Variants in SUMF1 observed in about 807,000 individuals in gnomAD.
The protein encoded by SUMF1 is formylglycine-generating enzyme.
A neutral mutation model predicts 47.6 loss-of-function variants in SUMF1; 48 were observed. The ratio of observed to expected loss-of-function variants is 1.01; its 90% CI spans 0.80 to 1.28. The LOEUF is 1.28. SUMF1 is among the 50% of genes most tolerant of loss of function. The pLI is 0.00. For missense variants in SUMF1, 571 were observed against 485.4 expected (o/e 1.18, Z -1.66); for synonymous variants, 230 against 192.1 (o/e 1.20, Z -1.63).
At chr3:4,342,793 C>G (rs1002594257) in intron 8 of SUMF1, among the ~76,000 whole-genome samples, 4 of 152,182 alleles carry the variant, frequency 2.6e-5, no homozygotes, top group Non-Finnish European at 5.9e-5. Flanking sequence ...CTACCAATAT[C>G]TGCAGTCACA....
intron 8 of SUMF1, among the ~76,000 whole-genome samples, chr3:4,172,227 C>T (rs976769024): frequency 2.6e-5 from 4 of 151,988 alleles, no homozygotes; most frequent in Non-Finnish European, 4.4e-5. Context: ...GGGAAAGAGA[C>T]GTTATTAAAG....
intron 8 of SUMF1, among the ~76,000 whole-genome samples, chr3:4,369,598 C>T (rs1559252021): frequency 6.6e-6 from 1 of 152,160 alleles, no homozygotes; most frequent in East Asian, 1.9e-4. Context: ...AACGTACACG[C>T]TTTTTTAGAA....
At chr3:4,053,767 G>A (rs1054132885) in intron 9 of SUMF1, among the ~76,000 whole-genome samples, 7 of 152,036 alleles carry the variant, frequency 4.6e-5, no homozygotes, top group African/African-American at 1.7e-4. Context: ...CAATTCCCAA[G>A]ACACATAATA....
intron 8 of SUMF1, among the ~76,000 whole-genome samples, chr3:4,098,358 C>T (rs1692953235): frequency 6.6e-6 from 1 of 152,054 alleles, no homozygotes; most frequent in African/African-American, 2.4e-5. Flanking sequence ...CATTTCAAGG[C>T]TACAGACACA....
intron 8 of SUMF1, among the ~76,000 whole-genome samples, chr3:4,293,805 T>G (rs966663877): frequency 2.4e-4 from 36 of 152,234 alleles, no homozygotes; most frequent in African/African-American, 9.6e-5. Flanking sequence ...TCAAGCTACA[T>G]AATGCCCTTC....
intron 3 of SUMF1, among the ~76,000 whole-genome samples, chr3:4,425,044 C>A (rs1702025299): frequency 6.6e-6 from 1 of 152,162 alleles, no homozygotes; most frequent in South Asian, 2.1e-4. Flanking sequence ...ACAAAAATGT[C>A]TCCAGACATT....
chr3:4,340,771 T>A (rs1054056688), intron 8 of SUMF1, among the ~76,000 whole-genome samples: 7 of 152,188 alleles, frequency 4.6e-5, no homozygotes, highest in Admixed American at 1.3e-4. Context: ...CAGTTTCTGC[T>A]CATGCAGCTG....
intron 9 of SUMF1, among the ~76,000 whole-genome samples, chr3:4,050,756 A>G (rs1210454222): frequency 6.6e-6 from 1 of 150,976 alleles, no homozygotes; most frequent in East Asian, 1.9e-4. Flanking sequence ...CTCAAAAAAA[A>G]AAAAAAAAAA....
In SUMF1 at chr3:4,047,455, G is replaced by A. The variant is rs181906849; in HGVS notation, c.1191+21114C>T. On this transcript the variant is annotated intron_variant and NMD_transcript_variant, in intron 9 of 12. Transcript: ENST00000448413. ...AGGAGACTGGCTCTTCACATTCTTT[G>A]CATCCACAGTTCCAAGGAGGCTTTA... Among the ~76,000 whole-genome samples the A allele has an allele frequency of 5.9e-5, 9 of 152,156 alleles. No individual in the cohort carries two copies. The South Asian group carries it at 1.7e-3, about 28-fold the overall frequency.
At chr3:4,402,768 T>G (rs951014289) in intron 7 of SUMF1, among the ~76,000 whole-genome samples, 5 of 152,194 alleles carry the variant, frequency 3.3e-5, no homozygotes, top group Non-Finnish European at 5.9e-5. Flanking sequence ...GAGATAGGCA[T>G]TGCATGAAGT....
chr3:4,373,813 T>C (rs1170787102), intron 8 of SUMF1, among the ~76,000 whole-genome samples: 1 of 144,572 alleles, frequency 6.9e-6, no homozygotes, highest in Non-Finnish European at 1.5e-5. Flanking sequence ...AATCCAAAAA[T>C]GTATAAAAAA....
intron 8 of SUMF1, among the ~76,000 whole-genome samples, chr3:4,338,199 T>TGGGAGCTACAATCTGCA (rs1699194347): frequency 6.6e-6 from 1 of 152,024 alleles, no homozygotes; most frequent in Admixed American, 6.6e-5. Context: ...GCCCAGTCTC[T>TGGGAGCTACAATCTGCA]GGGAGCTACA....
At chr3:4,461,266 C>T (rs1288975311) in intron 1 of SUMF1, among the ~76,000 whole-genome samples, 2 of 143,208 alleles carry the variant, frequency 1.4e-5, no homozygotes, top group Non-Finnish European at 3.2e-5. Flanking sequence ...TCTCACTATA[C>T]TCTAAGTGCT....
At position 4,227,618 on chromosome 3, in the gene SUMF1, G is replaced by T. The variant is rs550663858; in HGVS notation, c.1014+148712C>A. On this transcript the variant is annotated intron_variant and NMD_transcript_variant, in intron 8 of 12. Transcript: ENST00000448413. ...ACTCTCCCTAATCCAGGCCTAGCCA[G>T]ACCAGAAAAGAGAAACCTTAATGGT... Among the ~76,000 whole-genome samples the T allele has an allele frequency of 1.1e-4, 16 of 152,210 alleles. No individual in the cohort carries two copies. The South Asian group carries it at 3.3e-3, about 32-fold the overall frequency.
At chr3:4,092,086 T>A (rs1341709912) in intron 8 of SUMF1, among the ~76,000 whole-genome samples, 1 of 152,046 alleles carries the variant, frequency 6.6e-6, no homozygotes, top group East Asian at 1.9e-4. Flanking sequence ...TGGCCTGATG[T>A]ATTATTGTAT....
intron 3 of SUMF1, 141 bp downstream of exon 3, chr3:4,449,125 A>G: frequency 1.1e-6 from 1 of 918,618 alleles, no homozygotes; most frequent in South Asian, 1.3e-5. Flanking sequence ...CCATGGGCCT[A>G]TTATTTGGGG....
chr3:4,304,577 A>G (rs55927134), intron 8 of SUMF1, among the ~76,000 whole-genome samples: 1 of 152,160 alleles, frequency 6.6e-6, no homozygotes. Flanking sequence ...CATCTTAGCT[A>G]CTTCCCAGAG....
At chr3:4,289,419 G>C (rs77914822) in intron 8 of SUMF1, among the ~76,000 whole-genome samples, 1 of 152,134 alleles carries the variant, frequency 6.6e-6, no homozygotes, top group Non-Finnish European at 1.5e-5. Context: ...AACCGCACTG[G>C]GCCAGTGTGG....
At chr3:4,048,962 C>T (rs1462669880) in intron 9 of SUMF1, among the ~76,000 whole-genome samples, 1 of 152,060 alleles carries the variant, frequency 6.6e-6, no homozygotes, top group Admixed American at 6.6e-5. Flanking sequence ...ACATCCAAGG[C>T]TTCTAAGTAG....
Sources: gnomAD v4.1 joint callset for allele counts (sites outside exome capture counted in the v4.1 genomes callset) on GRCh38, gnomAD v4.1.1 for gene constraint, MANE v1.5 for transcripts, NCBI Gene and HGNC (gene_info 2026-07-23, HGNC 2026-07-21) for gene names.